Variants in UBE2D1 observed in about 807,000 individuals in gnomAD.
UBE2D1 encodes the protein ubiquitin conjugating enzyme E2 D1.
In UBE2D1, 9 loss-of-function variants were observed where a neutral mutation model predicts 24.6. The ratio of observed to expected loss-of-function variants is 0.37; its 90% CI spans 0.22 to 0.64. The LOEUF (loss-of-function observed/expected upper bound fraction) is 0.64, where lower values mean the gene tolerates loss of function less well. Ranked by LOEUF, UBE2D1 falls within the 30% of genes least tolerant of loss-of-function variation. UBE2D1 has a pLI of 0.64. For missense variants in UBE2D1, 87 were observed against 177.1 expected, an observed-to-expected ratio of 0.49 and a Z score of 2.89; for synonymous variants, 57 against 57.6, an observed-to-expected ratio of 0.99 and a Z score of 0.04.
intron 1 of UBE2D1, among the ~76,000 whole-genome samples, chr10:58,353,212 G>A (rs1840096247): frequency 1.3e-5 from 2 of 152,160 alleles, no homozygotes; most frequent in South Asian, 4.1e-4. Context: ...AATCTTTAAT[G>A]CCTTGGAGGG....
chr10:58,361,650 C>A, intron 3 of UBE2D1, 124 bp downstream of exon 3: 7 of 1,284,692 alleles, frequency 5.4e-6, no homozygotes, highest in Non-Finnish European at 7.7e-6. Flanking sequence ...ACCTAGGAAG[C>A]AAAATATTAT....
At chr10:58,358,751 T>C (rs1365716823) in intron 1 of UBE2D1, among the ~76,000 whole-genome samples, 1 of 152,008 alleles carries the variant, frequency 6.6e-6, no homozygotes, top group Non-Finnish European at 1.5e-5. Flanking sequence ...TCTGTTTCCT[T>C]ATTGCTTTTT....
At chr10:58,339,710 G>A (rs1839942673) in intron 1 of UBE2D1, among the ~76,000 whole-genome samples, 1 of 151,256 alleles carries the variant, frequency 6.6e-6, no homozygotes, top group Admixed American at 6.6e-5. Flanking sequence ...TCTAGTAAGT[G>A]ACAATGCTAC....
At chr10:58,347,582 G>A (rs766268534) in intron 1 of UBE2D1, among the ~76,000 whole-genome samples, 3 of 151,708 alleles carry the variant, frequency 2.0e-5, no homozygotes, top group African/African-American at 4.9e-5. Flanking sequence ...GAGATGTGAG[G>A]CACTGAGTAA....
intron 1 of UBE2D1, among the ~76,000 whole-genome samples, chr10:58,361,107 A>C (rs184749643): frequency 9.9e-5 from 15 of 152,130 alleles, no homozygotes; most frequent in African/African-American, 3.4e-4. Context: ...TTAAAGAAAA[A>C]CAGTATTTTT....
intron 6 of UBE2D1, chr10:58,368,356 C>T (rs1840279243): frequency 1.2e-5 from 3 of 257,352 alleles, no homozygotes; most frequent in East Asian, 1.5e-4. Flanking sequence ...CTCTCGTACC[C>T]ATCCAAACTG....
intron 1 of UBE2D1, chr10:58,360,770 C>T (rs548877592): frequency 1.1e-5 from 3 of 276,114 alleles, no homozygotes; most frequent in East Asian, 9.0e-5. Flanking sequence ...TAAAATTAGC[C>T]GGGTGTGCTG....
chr10:58,363,761 C>A, intron 4 of UBE2D1, 75 bp downstream of exon 4: 1 of 1,125,298 alleles, frequency 8.9e-7, no homozygotes, highest in Non-Finnish European at 1.3e-6. Flanking sequence ...ATTTGATTAT[C>A]TAGAGCTCAT....
At chr10:58,355,998 T>C (rs1840127192) in intron 1 of UBE2D1, among the ~76,000 whole-genome samples, 1 of 152,112 alleles carries the variant, frequency 6.6e-6, no homozygotes, top group Non-Finnish European at 1.5e-5. Flanking sequence ...TAAAACATTT[T>C]TAATGAAAAG....
chr10:58,365,911 T>G (rs1043097376), intron 5 of UBE2D1, among the ~76,000 whole-genome samples: 1 of 152,196 alleles, frequency 6.6e-6, no homozygotes, highest in Non-Finnish European at 1.5e-5. Flanking sequence ...GGAAGCAGGG[T>G]CCACAGCCGT....
intron 1 of UBE2D1, among the ~76,000 whole-genome samples, chr10:58,353,128 A>G (rs1233169610): frequency 6.6e-6 from 1 of 152,222 alleles, no homozygotes; most frequent in Non-Finnish European, 1.5e-5. Flanking sequence ...GCCCCAGTTT[A>G]ATCATCAACA....
chr10:58,367,169 G>A (rs901766079), intron 5 of UBE2D1, among the ~76,000 whole-genome samples: 3 of 152,096 alleles, frequency 2.0e-5, no homozygotes, highest in Non-Finnish European at 4.4e-5. Flanking sequence ...ACGCAGTGGG[G>A]TGGGTGCAAG....
At position 58,361,482 on chromosome 10, in the gene UBE2D1, T is replaced by C. The variant is rs749317273; in HGVS notation, c.89-13T>C. On this transcript the variant is annotated splice_polypyrimidine_tract_variant and intron_variant, in intron 2 of 6. Transcript: ENST00000373910. ...ATTTGTTAATGACTCCAAAACTCCT[T>C]TGTTTGTTTCAGTGTTCCACTGGCA... The C allele has an allele frequency of 6.2e-7, 1 of 1,614,182 alleles. No homozygotes were observed. The highest frequency in any genetic ancestry group is 2.2e-5 in the East Asian group (1 of 44,872).
At chr10:58,357,353 T>C (rs1840142592) in intron 1 of UBE2D1, among the ~76,000 whole-genome samples, 2 of 152,096 alleles carry the variant, frequency 1.3e-5, no homozygotes, top group Admixed American at 6.6e-5. Context: ...ATAGATCAGG[T>C]AGTAAGGCAG....
chr10:58,357,326 G>C (rs1048168255), intron 1 of UBE2D1, among the ~76,000 whole-genome samples: 14 of 152,260 alleles, frequency 9.2e-5, no homozygotes, highest in Admixed American at 9.2e-4. Context: ...AAGAATGTCA[G>C]TTATAGCAGA....
At chr10:58,361,779 C>T (rs1046827570) in intron 3 of UBE2D1, among the ~76,000 whole-genome samples, 3 of 151,708 alleles carry the variant, frequency 2.0e-5, no homozygotes, top group Non-Finnish European at 4.4e-5. Context: ...AGCTCGCAAC[C>T]AGGCTGTGTG....
chr10:58,361,019 T>C (rs895639859), intron 1 of UBE2D1: 4 of 477,960 alleles, frequency 8.4e-6, no homozygotes, highest in Non-Finnish European at 1.6e-5. Flanking sequence ...TGTTTTCTGA[T>C]ATATTATCAA....
chr10:58,368,114 G>T, intron 6 of UBE2D1, 98 bp downstream of exon 6: 4 of 844,172 alleles, frequency 4.7e-6, no homozygotes, highest in South Asian at 1.7e-5. Flanking sequence ...ATTTGATTAT[G>T]GTTGTTATAT....
At chr10:58,349,905 T>C (rs1840054453) in intron 1 of UBE2D1, among the ~76,000 whole-genome samples, 1 of 152,202 alleles carries the variant, frequency 6.6e-6, no homozygotes, top group African/African-American at 2.4e-5. Context: ...AATCATACAG[T>C]ATGTATCTTT....
Sources: gnomAD v4.1 joint callset for allele counts (sites outside exome capture counted in the v4.1 genomes callset) on GRCh38, gnomAD v4.1.1 for gene constraint, MANE v1.5 for transcripts, NCBI Gene and HGNC (gene_info 2026-07-23, HGNC 2026-07-21) for gene names.